Variants in PDE11A observed in about 807,000 individuals in gnomAD.
The protein encoded by PDE11A is dual 3',5'-cyclic-AMP and -GMP phosphodiesterase 11A.
A neutral mutation model predicts 100.5 loss-of-function variants in PDE11A; 100 were observed. The observed-to-expected ratio is 1.00, with a 90% CI of 0.85 to 1.18. The LOEUF (loss-of-function observed/expected upper bound fraction) is 1.18, where lower values mean the gene tolerates loss of function less well. Ranked by LOEUF, PDE11A falls within the 50% of genes most tolerant of loss-of-function variation. The pLI is 0.00. For missense variants in PDE11A, 1,141 were observed against 1,152.6 expected (o/e 0.99, Z 0.15); for synonymous variants, 381 against 420.8 (o/e 0.91, Z 1.16).
intron 2 of PDE11A, among the ~76,000 whole-genome samples, chr2:177,987,608 T>C (rs1034416791): frequency 6.6e-6 from 1 of 152,204 alleles, no homozygotes; most frequent in Non-Finnish European, 1.5e-5. Flanking sequence ...AAATGTTTTA[T>C]TAAATTGCAG....
chr2:177,934,698 C>T (rs1008478172), intron 2 of PDE11A, among the ~76,000 whole-genome samples: 2 of 152,188 alleles, frequency 1.3e-5, no homozygotes. Context: ...ATGTTCATCA[C>T]AGCACTGTTC....
At chr2:177,853,670 ATATATATATATGTGTGTGTG>A (rs2083763916) in intron 5 of PDE11A, among the ~76,000 whole-genome samples, 2 of 33,088 alleles carry the variant, frequency 6.0e-5, no homozygotes, top group African/African-American at 2.0e-4. Context: ...ATATATATAT[ATATATATATATGTGTGTGTG>A]TGTGTGTGTG....
chr2:178,017,345 G>GTT (rs1309706992), intron 1 of PDE11A, among the ~76,000 whole-genome samples: 2 of 152,164 alleles, frequency 1.3e-5, no homozygotes, highest in African/African-American at 4.8e-5. Flanking sequence ...TGATCTTGTG[G>GTT]TTTGGTAGTG....
intron 2 of PDE11A, among the ~76,000 whole-genome samples, chr2:177,982,557 T>C (rs1310258911): frequency 6.6e-6 from 1 of 150,512 alleles, no homozygotes; most frequent in Non-Finnish European, 1.5e-5. Flanking sequence ...TTCAAATGCC[T>C]TAATGACCTC....
At chr2:177,783,756 T>A (rs1272196385) in intron 9 of PDE11A, among the ~76,000 whole-genome samples, 1 of 152,250 alleles carries the variant, frequency 6.6e-6, no homozygotes, top group South Asian at 2.1e-4. Context: ...GGGTACTGGT[T>A]TTCCAGCCTA....
chr2:177,711,693 C>T, intron 13 of PDE11A, 76 bp downstream of exon 13: 1 of 845,236 alleles, frequency 1.2e-6, no homozygotes, highest in Non-Finnish European at 2.0e-6. Flanking sequence ...TAATGCTTTA[C>T]TCTTTAGCAT....
At position 177,981,271 on chromosome 2, in the gene PDE11A, T is replaced by C. The variant is rs546664641; in HGVS notation, c.1071+33031A>G. Among the ~76,000 whole-genome samples, 24 of 150,756 alleles carry C rather than the reference T, an allele frequency of 1.6e-4. 3 individuals carry two copies. The highest frequency in any genetic ancestry group is 2.1e-4 in the Non-Finnish European group (14 of 67,218). ...TACTGTATTAGTTTCCTAGGGCTGC[T>C]ATAACAAAGTACCACAAATTAGGTG... is the stretch of plus-strand genomic sequence containing the variant. On this transcript the variant is annotated intron_variant, in intron 2 of 19. Transcript: ENST00000286063.
At chr2:177,924,732 T>C (rs1489760099) in intron 2 of PDE11A, among the ~76,000 whole-genome samples, 2 of 151,996 alleles carry the variant, frequency 1.3e-5, no homozygotes, top group Non-Finnish European at 2.9e-5. Flanking sequence ...AGCTTTCTTT[T>C]TTTTTTTTTA....
chr2:177,780,838 G>C lies in PDE11A; in HGVS notation c.1738-11465C>G, dbSNP rs576679102. Among the ~76,000 whole-genome samples the C allele has an allele frequency of 4.6e-4, 70 of 152,300 alleles. 1 individual carries two copies. The highest frequency in any genetic ancestry group is 1.6e-3 in the African/African-American group (67 of 41,572). Reference sequence around the variant, plus strand: ...ATCTGGATTAGGCTTTGGCTTAAGAGAATGTTGTGGCTCATTTGATCTTTT... The same window carrying C: ...ATCTGGATTAGGCTTTGGCTTAAGACAATGTTGTGGCTCATTTGATCTTTT... On this transcript the variant is annotated intron_variant, in intron 9 of 19. Transcript: ENST00000286063.
chr2:177,841,675 A>C (rs1032840256), intron 5 of PDE11A, among the ~76,000 whole-genome samples: 4 of 152,218 alleles, frequency 2.6e-5, no homozygotes, highest in Non-Finnish European at 5.9e-5. Context: ...CCTGTGTCTG[A>C]TAAATTCAGC....
At chr2:177,756,710 G>T (rs962611038) in intron 10 of PDE11A, among the ~76,000 whole-genome samples, 2 of 152,210 alleles carry the variant, frequency 1.3e-5, no homozygotes, top group Admixed American at 1.3e-4. Flanking sequence ...TTTGAAATTT[G>T]CCCTTTGGAG....
intron 5 of PDE11A, among the ~76,000 whole-genome samples, chr2:177,870,305 C>A (rs1461331326): frequency 1.3e-5 from 2 of 152,182 alleles, no homozygotes; most frequent in Non-Finnish European, 2.9e-5. Flanking sequence ...TTCTGCAAAA[C>A]AATAACTTTT....
upstream of PDE11A, among the ~76,000 whole-genome samples, chr2:178,077,324 C>T (rs886196982): frequency 1.5e-5 from 2 of 137,562 alleles, no homozygotes; most frequent in African/African-American, 5.7e-5. Flanking sequence ...AGTGCAGTGG[C>T]ATGATCATGC....
chr2:177,859,211 T>C (rs146010046), intron 5 of PDE11A, among the ~76,000 whole-genome samples: 4,327 of 151,210 alleles, frequency 0.029, 192 homozygotes, highest in African/African-American at 0.098. Context: ...CAAACCTGCA[T>C]GTTGTGCACA....
At chr2:178,021,744 G>C (rs17687590) in intron 1 of PDE11A, among the ~76,000 whole-genome samples, 76,619 of 151,964 alleles carry the variant, frequency 0.5, 20,099 homozygotes, top group East Asian at 0.71. Context: ...AAAGTGAAGT[G>C]TTTAAGGTGA....
At chr2:177,916,113 C>A (rs967198284) in intron 2 of PDE11A, among the ~76,000 whole-genome samples, 9 of 152,162 alleles carry the variant, frequency 5.9e-5, no homozygotes, top group African/African-American at 1.9e-4. Flanking sequence ...CCTATTTAAT[C>A]TTTTTCTACG....
At chr2:177,771,907 C>T (rs965457087) in intron 9 of PDE11A, among the ~76,000 whole-genome samples, 3 of 151,812 alleles carry the variant, frequency 2.0e-5, no homozygotes, top group African/African-American at 4.8e-5. Context: ...GAGGCTGAGG[C>T]GGGAGAATCG....
At chr2:177,905,543 T>G (rs1023398911) in intron 2 of PDE11A, among the ~76,000 whole-genome samples, 1 of 152,176 alleles carries the variant, frequency 6.6e-6, no homozygotes, top group Non-Finnish European at 1.5e-5. Flanking sequence ...TACCTGGAAT[T>G]TAAGGCATGT....
chr2:178,069,199 T>C (rs966794080), intron 1 of PDE11A, among the ~76,000 whole-genome samples: 3 of 152,202 alleles, frequency 2.0e-5, no homozygotes, highest in Admixed American at 6.5e-5. Context: ...TCTCATTTTA[T>C]TGAGATAAAC....
Sources: allele counts gnomAD v4.1 joint callset (sites outside exome capture counted in the v4.1 genomes callset), GRCh38; gene constraint gnomAD v4.1.1; transcripts MANE v1.5; gene names NCBI Gene and HGNC (gene_info 2026-07-23, HGNC 2026-07-21).